The following ADAMTS9 variants were observed in gnomAD, a reference collection of about 807,000 sequenced individuals.
The protein encoded by ADAMTS9 is ADAM metallopeptidase with thrombospondin type 1 motif 9.
In ADAMTS9, 107 loss-of-function variants were observed where a neutral mutation model predicts 257.1. The observed-to-expected ratio is 0.42, with a 90% CI of 0.36 to 0.49. The LOEUF is 0.49. ADAMTS9 is among the 20% of genes least tolerant of loss of function. ADAMTS9 has a pLI of 0.03. For synonymous variants in ADAMTS9, 982 were observed against 880.9 expected (o/e 1.11, Z -2.03); for missense variants, 2,353 against 2,469.1 (o/e 0.95, Z 1.00).
At chr3:64,527,401 T>C (rs1198120460) in intron 38 of ADAMTS9, among the ~76,000 whole-genome samples, 2 of 152,148 alleles carry the variant, frequency 1.3e-5, no homozygotes, top group Admixed American at 6.5e-5. Context: ...CAGCATACCT[T>C]TGACTGGAGT....
At chr3:64,576,749 A>G (rs571069317) in intron 28 of ADAMTS9, among the ~76,000 whole-genome samples, 30 of 151,966 alleles carry the variant, frequency 2.0e-4, no homozygotes, top group African/African-American at 6.5e-4. Context: ...GCCCCCCAAC[A>G]CTCCAGCCTT....
chr3:64,573,738 G>A (rs1363071313), intron 28 of ADAMTS9, among the ~76,000 whole-genome samples: 2 of 152,160 alleles, frequency 1.3e-5, no homozygotes, highest in Non-Finnish European at 2.9e-5. Context: ...TATGCCCAAG[G>A]TTCAGGACTG....
At chr3:64,540,986 T>C (rs1206243373) in intron 36 of ADAMTS9, 109 bp downstream of exon 36, 20 of 1,407,872 alleles carry the variant, frequency 1.4e-5, no homozygotes, top group Non-Finnish European at 1.8e-5. Flanking sequence ...CAATGTGCAA[T>C]GTGCAATGTG....
At chr3:64,548,023 G>A (rs1039399583) in intron 31 of ADAMTS9, among the ~76,000 whole-genome samples, 1 of 152,132 alleles carries the variant, frequency 6.6e-6, no homozygotes, top group East Asian at 1.9e-4. Context: ...CGGTTCTTGG[G>A]TGAGGGTGGG....
At chr3:64,622,645 A>G in intron 16 of ADAMTS9, 59 bp from the exon 17 acceptor site, 2 of 1,571,720 alleles carry the variant, frequency 1.3e-6, no homozygotes, top group South Asian at 1.1e-5. Flanking sequence ...GCTGTTTGAA[A>G]TATGAAGTAA....
chr3:64,654,282 G>C, intron 8 of ADAMTS9, 71 bp downstream of exon 8: 2 of 1,429,618 alleles, frequency 1.4e-6, no homozygotes, highest in Non-Finnish European at 1.9e-6. Context: ...TCAAGTAAAT[G>C]CTCACTGATG....
intron 28 of ADAMTS9, among the ~76,000 whole-genome samples, chr3:64,574,511 C>T (rs11708242): frequency 0.2 from 28,407 of 139,534 alleles, 3,166 homozygotes; most frequent in Middle Eastern, 0.28. Context: ...TCACTTGAAC[C>T]CAGGAGTTTG....
At chr3:64,628,696 A>T (rs1199999724) in intron 16 of ADAMTS9, among the ~76,000 whole-genome samples, 1 of 152,208 alleles carries the variant, frequency 6.6e-6, no homozygotes, top group Non-Finnish European at 1.5e-5. Flanking sequence ...TGAGTAATTA[A>T]TTCCAAGTAA....
intron 39 of ADAMTS9, among the ~76,000 whole-genome samples, chr3:64,517,416 G>GTTTTTTGTTTTTTTTTTTTTTTTTT (rs2082789402): frequency 1.9e-5 from 1 of 52,636 alleles, no homozygotes; most frequent in Non-Finnish European, 3.8e-5. Context: ...ATTAAAAATG[G>GTTTTTTGTTTTTTTTTTTTTTTTTT]TTTTTTTTTT....
chr3:64,647,869 G>T, intron 11 of ADAMTS9, 71 bp downstream of exon 11: 2 of 1,354,610 alleles, frequency 1.5e-6, no homozygotes, highest in Non-Finnish European at 2.0e-6. Flanking sequence ...AAACATCGGT[G>T]TCTGATCATA....
In ADAMTS9 at chr3:64,596,947, T is replaced by C; in HGVS notation, c.4062A>G (p.Val1354=). The change falls in exon 27 of 40, where the codon GTA becomes GTG. Residue 1354 remains valine, a synonymous_variant. Coordinates refer to ENST00000498707, the MANE Select transcript of ADAMTS9 (RefSeq NM_182920.2). ...CAGGSQRRVV[V]CQDENGYTAN... ...CGGTGTATCCATTTTCATCCTGACA[T>C]ACAACAACACGCCGCTGGGATCCGC... 1 of 1,612,368 alleles carries C rather than the reference T, an allele frequency of 6.2e-7. No individual in the cohort carries two copies. Among genetic ancestry groups the C allele is most frequent in the Non-Finnish European group, 8.5e-7 (1 of 1,179,168 alleles).
At chr3:64,577,434 A>C (rs1236711572) in intron 28 of ADAMTS9, among the ~76,000 whole-genome samples, 2 of 152,216 alleles carry the variant, frequency 1.3e-5, no homozygotes, top group African/African-American at 2.4e-5. Context: ...CGAAGATAAT[A>C]CAAGGACCCA....
At chr3:64,642,126 A>G in intron 11 of ADAMTS9, 133 bp from the exon 12 acceptor site, 2 of 1,001,248 alleles carry the variant, frequency 2.0e-6, no homozygotes, top group East Asian at 2.4e-5. Context: ...TTCATCATCT[A>G]TATGAATAAT....
intron 38 of ADAMTS9, among the ~76,000 whole-genome samples, chr3:64,525,302 C>A (rs1385975206): frequency 2.0e-5 from 3 of 152,186 alleles, no homozygotes; most frequent in Non-Finnish European, 4.4e-5. Context: ...ATGAAAAAGT[C>A]CTTCTTTAAT....
Position 64,631,510 on chromosome 3 carries a change from A to G in ADAMTS9, c.2334T>C (p.Asn778=), listed in dbSNP as rs772272842. The change falls in exon 16 of 40, where the codon AAT becomes AAC. Residue 778 remains asparagine (N), a synonymous_variant. Transcript: ENST00000498707. ...TVVRIPAGAT[N]IDVRQHSFSG... is the part of the protein sequence containing the mutation. ...AGAAACTGTGCTGCCGCACATCAAT[A>G]TTGGTAGCACCAGCTGGAATTCGGA... 16 of 1,614,122 alleles carry G rather than the reference A, an allele frequency of 9.9e-6. No individual in the cohort carries two copies. The Admixed American group carries it at 2.5e-4, about 25-fold the overall frequency.
At chr3:64,527,383 A>T (rs1037866407) in intron 38 of ADAMTS9, among the ~76,000 whole-genome samples, 1 of 152,100 alleles carries the variant, frequency 6.6e-6, no homozygotes, top group Non-Finnish European at 1.5e-5. Context: ...TCTTTGATTT[A>T]GGAAGACCAG....
intron 16 of ADAMTS9, among the ~76,000 whole-genome samples, chr3:64,630,173 C>T (rs1169442236): frequency 1.3e-5 from 2 of 152,124 alleles, no homozygotes; most frequent in Admixed American, 1.3e-4. Context: ...AGTTAAATCC[C>T]TTTCAGTCAT....
intron 16 of ADAMTS9, among the ~76,000 whole-genome samples, chr3:64,623,507 C>T (rs1700156791): frequency 6.6e-6 from 1 of 152,184 alleles, no homozygotes; most frequent in Non-Finnish European, 1.5e-5. Context: ...TGAGAGACTT[C>T]AAGCCAGAAA....
intron 16 of ADAMTS9, among the ~76,000 whole-genome samples, chr3:64,627,971 GACA>G (rs1700268142): frequency 6.6e-6 from 1 of 152,146 alleles, no homozygotes; most frequent in South Asian, 2.1e-4. Flanking sequence ...CAGACTTGAT[GACA>G]ACATCAAATT....
Sources: gnomAD v4.1 joint callset for allele counts (sites outside exome capture counted in the v4.1 genomes callset) on GRCh38, gnomAD v4.1.1 for gene constraint, MANE v1.5 for transcripts, NCBI Gene and HGNC (gene_info 2026-07-23, HGNC 2026-07-21) for gene names.